HPSE2: variants seen among roughly 807,000 people sequenced by gnomAD.
HPSE2 encodes inactive heparanase-2.
In HPSE2, 38 loss-of-function variants were observed where a neutral mutation model predicts 60.5. That is an observed-to-expected ratio of 0.63 (90% CI 0.48 to 0.82). The LOEUF is 0.82. Among genes scored for constraint, HPSE2 ranks in the 40% least tolerant of loss-of-function variants. The pLI is 0.00. For missense variants in HPSE2, 713 were observed against 740.4 expected, an observed-to-expected ratio of 0.96 and a Z score of 0.43; for synonymous variants, 295 against 293.2, an observed-to-expected ratio of 1.01 and a Z score of -0.06.
At chr10:99,311,282 T>C in the HPSE2 span, among the ~76,000 whole-genome samples, 1 of 152,234 alleles carries the variant, frequency 6.6e-6, no homozygotes, top group Non-Finnish European at 1.5e-5. Flanking sequence ...TAGGCATACC[T>C]CATTTTATTG....
chr10:98,539,569 G>T (rs1943395330), intron 9 of HPSE2, among the ~76,000 whole-genome samples: 1 of 152,128 alleles, frequency 6.6e-6, no homozygotes, highest in East Asian at 1.9e-4. Flanking sequence ...ACAAAGCTGT[G>T]TGATCCTGTT....
At chr10:98,647,216 T>C (rs776099305) in intron 6 of HPSE2, among the ~76,000 whole-genome samples, 1 of 152,170 alleles carries the variant, frequency 6.6e-6, no homozygotes, top group Non-Finnish European at 1.5e-5. Context: ...ACTGACCCCC[T>C]TCATCAGGCC....
intron 3 of HPSE2, among the ~76,000 whole-genome samples, chr10:98,925,140 C>T (rs1954413628): frequency 6.6e-6 from 1 of 152,132 alleles, no homozygotes; most frequent in South Asian, 2.1e-4. Flanking sequence ...CTCTTCTGCC[C>T]TCCTCAATGC....
chr10:98,691,446 C>G (rs1260729552), intron 6 of HPSE2, among the ~76,000 whole-genome samples: 2 of 152,084 alleles, frequency 1.3e-5, no homozygotes, highest in Admixed American at 6.6e-5. Context: ...CATTTCATTC[C>G]ATTTGTGCCA....
intron 3 of HPSE2, among the ~76,000 whole-genome samples, chr10:98,941,570 A>G (rs1955002376): frequency 7.0e-6 from 1 of 142,098 alleles, no homozygotes; most frequent in South Asian, 2.1e-4. Flanking sequence ...CTGCTCAATG[A>G]AATAAAAGAG....
intron 9 of HPSE2, among the ~76,000 whole-genome samples, chr10:98,512,842 C>CACACACACACACACAG (rs1388340168): frequency 2.0e-5 from 3 of 151,554 alleles, no homozygotes; most frequent in Non-Finnish European, 4.4e-5. Flanking sequence ...CACACACACA[C>CACACACACACACACAG]AGGCACACTT....
At chr10:98,812,919 T>G (rs981697104) in intron 3 of HPSE2, among the ~76,000 whole-genome samples, 3 of 152,176 alleles carry the variant, frequency 2.0e-5, no homozygotes, top group African/African-American at 7.2e-5. Context: ...TGTGCCACTG[T>G]AGGTGATTCA....
chr10:98,739,055 A>G (rs1277499331), intron 4 of HPSE2, among the ~76,000 whole-genome samples: 1 of 152,220 alleles, frequency 6.6e-6, no homozygotes, highest in Non-Finnish European at 1.5e-5. Context: ...CACAATAGCA[A>G]AAACTTGGAA....
the HPSE2 span, among the ~76,000 whole-genome samples, chr10:99,296,225 C>T: frequency 6.6e-6 from 1 of 152,178 alleles, no homozygotes; most frequent in Admixed American, 6.5e-5. Flanking sequence ...AACATTACCA[C>T]TTACAATAAC....
chr10:99,199,342 T>A (rs1848501816), intron 2 of HPSE2, among the ~76,000 whole-genome samples: 1 of 152,130 alleles, frequency 6.6e-6, no homozygotes, highest in African/African-American at 2.4e-5. Context: ...TATCATTTTT[T>A]AAATAATAGC....
intron 3 of HPSE2, among the ~76,000 whole-genome samples, chr10:98,882,224 A>G (rs1262362943): frequency 6.6e-6 from 1 of 152,162 alleles, no homozygotes; most frequent in East Asian, 1.9e-4. Context: ...AGCCAAGATC[A>G]TTCTAGATCA....
intron 3 of HPSE2, among the ~76,000 whole-genome samples, chr10:98,991,893 G>T (rs900797197): frequency 6.6e-6 from 1 of 152,128 alleles, no homozygotes; most frequent in Non-Finnish European, 1.5e-5. Flanking sequence ...TCTGAAGCAG[G>T]CTTCTCCCAG....
chr10:98,849,178 G>A lies in HPSE2; in HGVS notation c.611-105122C>T, dbSNP rs1304473824. On this transcript the variant is annotated intron_variant, in intron 3 of 11. Transcript: ENST00000370552. Reference sequence around the variant, plus strand: ...AATGTAGAATATGGGTAATAAAGAGGAGATGAAAAAGAATTAGTAACATGA... The same window carrying A: ...AATGTAGAATATGGGTAATAAAGAGAAGATGAAAAAGAATTAGTAACATGA... Among the ~76,000 whole-genome samples the A allele has an allele frequency of 2.0e-5, 3 of 152,094 alleles. No homozygotes were observed. In the East Asian group the frequency reaches 5.8e-4, roughly 29 times the overall value.
In HPSE2 at chr10:99,232,214, T is replaced by TGCATACACACACACAC. The variant is rs766277741; in HGVS notation, c.448+133_448+134insGTGTGTGTGTGTATGC. 8.9e-5 allele frequency: 80 copies of TGCATACACACACACAC among 898,358 alleles called. No individual in the cohort carries two copies. The African/African-American group carries it at 1.3e-3, about 14-fold the overall frequency. 55.6% of individuals were successfully genotyped at this position (898,358 alleles called of 1,614,324 possible). On this transcript the variant is annotated intron_variant, in intron 2 of 11. Coordinates refer to ENST00000370552, the MANE Select transcript of HPSE2 (RefSeq NM_021828.5). Reference sequence around the variant, plus strand: ...ATCTGCCCCAACGCGCGCGCGCGCATACACACACACACACACACACACACA... The same window carrying TGCATACACACACACAC: ...ATCTGCCCCAACGCGCGCGCGCGCATGCATACACACACACACACACACACACACACACACACACACA...
chr10:98,616,133 A>G (rs1465395386), intron 8 of HPSE2, among the ~76,000 whole-genome samples: 1 of 151,844 alleles, frequency 6.6e-6, no homozygotes, highest in Non-Finnish European at 1.5e-5. Flanking sequence ...TCATATATTA[A>G]TCTCCAAATC....
intron 3 of HPSE2, among the ~76,000 whole-genome samples, chr10:98,832,866 G>A (rs866171271): frequency 1.1e-4 from 16 of 152,294 alleles, no homozygotes; most frequent in African/African-American, 3.8e-4. Context: ...TATGAAGAGG[G>A]ATACAGGCAG....
chr10:99,179,110 G>A (rs925217495), intron 2 of HPSE2, among the ~76,000 whole-genome samples: 11 of 152,104 alleles, frequency 7.2e-5, no homozygotes, highest in East Asian at 1.9e-4. Context: ...GGTATTGATC[G>A]AATGCATCTC....
At chr10:99,093,227 C>A (rs1306081093) in intron 3 of HPSE2, among the ~76,000 whole-genome samples, 12 of 147,258 alleles carry the variant, frequency 8.1e-5, no homozygotes, top group Non-Finnish European at 1.8e-4. Flanking sequence ...GGCTCCATTT[C>A]AAAAAAAAAA....
At chr10:98,973,081 C>T (rs1955998311) in intron 3 of HPSE2, among the ~76,000 whole-genome samples, 1 of 152,140 alleles carries the variant, frequency 6.6e-6, no homozygotes, top group South Asian at 2.1e-4. Context: ...ACTGTTCTTA[C>T]AAGAACTGCA....
Sources: gnomAD v4.1 joint callset for allele counts (sites outside exome capture counted in the v4.1 genomes callset) on GRCh38, gnomAD v4.1.1 for gene constraint, MANE v1.5 for transcripts, NCBI Gene and HGNC (gene_info 2026-07-23, HGNC 2026-07-21) for gene names.